Variants in SLC6A15 observed in about 807,000 individuals in gnomAD.
The protein encoded by SLC6A15 is solute carrier family 6 member 15.
In SLC6A15, 33 loss-of-function variants were observed where a neutral mutation model predicts 68.5. That is an observed-to-expected ratio of 0.48 (90% confidence interval 0.37 to 0.64). SLC6A15 has a LOEUF of 0.64. SLC6A15 is among the 30% of genes least tolerant of loss of function. The pLI is 0.00. For synonymous variants in SLC6A15, 347 were observed against 301.0 expected (o/e 1.15, Z -1.58); for missense variants, 747 against 874.3 (o/e 0.85, Z 1.84).
intron 6 of SLC6A15, among the ~76,000 whole-genome samples, chr12:84,875,362 C>T (rs537723478): frequency 5.9e-5 from 9 of 151,870 alleles, no homozygotes; most frequent in Admixed American, 2.0e-4. Context: ...CTGAGAAAAC[C>T]AGACACCAGT....
chr12:84,873,420 T>C, intron 6 of SLC6A15, 92 bp from the exon 7 acceptor site: 5 of 1,364,814 alleles, frequency 3.7e-6, no homozygotes, highest in Non-Finnish European at 5.0e-6. Flanking sequence ...GAGTATACAA[T>C]GATATTTATG....
chr12:84,901,041 C>T (rs7308326), intron 1 of SLC6A15, among the ~76,000 whole-genome samples: 21,809 of 125,088 alleles, frequency 0.17, 1,647 homozygotes, highest in Middle Eastern at 0.33. Context: ...TATGCATACA[C>T]ATATACGTAT....
chr12:84,900,933 TG>T (rs1158062202), intron 1 of SLC6A15, among the ~76,000 whole-genome samples: 7 of 146,298 alleles, frequency 4.8e-5, no homozygotes, highest in Non-Finnish European at 1.1e-4. Flanking sequence ...CATATATACA[TG>T]TATATATGTG....
At chr12:84,872,217 T>A (rs180839474) in intron 8 of SLC6A15, among the ~76,000 whole-genome samples, 1 of 152,214 alleles carries the variant, frequency 6.6e-6, no homozygotes, top group East Asian at 1.9e-4. Context: ...ATTTCTATTT[T>A]AAATATTATT....
chr12:84,897,577 A>C (rs1872682382), intron 1 of SLC6A15, among the ~76,000 whole-genome samples: 1 of 152,158 alleles, frequency 6.6e-6, no homozygotes. Context: ...TAGAAAGATC[A>C]AATTAAAACA....
chr12:84,866,810 T>C (rs553746913), intron 10 of SLC6A15, among the ~76,000 whole-genome samples: 3 of 152,310 alleles, frequency 2.0e-5, no homozygotes, highest in South Asian at 2.1e-4. Flanking sequence ...AAATCAAAGA[T>C]CTAAAATTCT....
rs551077692 is a variant in SLC6A15 at position 84,883,236 on chromosome 12, C to T, written c.756+623G>A. 58 of 983,464 alleles carry T rather than the reference C, an allele frequency of 5.9e-5. No individual in the cohort carries two copies. In the South Asian group the frequency reaches 2.1e-3, roughly 35 times the overall value. 60.9% of individuals were successfully genotyped at this position (983,464 alleles called of 1,614,324 possible). On this transcript the variant is annotated intron_variant, in intron 5 of 11. Transcript: ENST00000266682. ...AGCGTCCTTTAAAAATAATAACAAA[C>T]AAGCTACCTAGAATTCACTTAATGT...
chr12:84,905,317 A>C (rs1051800957), intron 1 of SLC6A15, among the ~76,000 whole-genome samples: 5 of 152,248 alleles, frequency 3.3e-5, no homozygotes, highest in African/African-American at 1.2e-4. Flanking sequence ...AAATCACATG[A>C]CTATATCTAC....
intron 6 of SLC6A15, among the ~76,000 whole-genome samples, chr12:84,876,165 A>T (rs2924139): frequency 6.6e-6 from 1 of 151,468 alleles, no homozygotes; most frequent in South Asian, 2.1e-4. Context: ...AAAACCACTA[A>T]AATAAAGGGG....
rs1872086565 is a variant in SLC6A15 at position 84,886,052 on chromosome 12, T to C, written c.306A>G (p.Pro102=). The part of the protein sequence containing the change: ...QKNGGGAYLL[P]YLILLMVIGI... ...CTATTACCATAAGTAGTATTAAATA[T>C]GGTAAAAGATATGCACCTAAAGAAA... Residue 102 remains proline (P), a synonymous_variant, in exon 3 of 12, where the codon CCA becomes CCG. Coordinates refer to ENST00000266682, the MANE Select transcript of SLC6A15 (RefSeq NM_182767.6). The C allele has an allele frequency of 1.9e-6, 3 of 1,597,054 alleles. No homozygotes were observed. The highest frequency in any genetic ancestry group is 1.1e-5 in the South Asian group (1 of 89,588).
At chr12:84,894,677 G>T (rs1821115245) in intron 1 of SLC6A15, among the ~76,000 whole-genome samples, 1 of 151,898 alleles carries the variant, frequency 6.6e-6, no homozygotes, top group African/African-American at 2.4e-5. Flanking sequence ...AAAATAAAAG[G>T]TAATACCTTT....
intron 5 of SLC6A15, among the ~76,000 whole-genome samples, chr12:84,877,774 G>A (rs1871622239): frequency 6.6e-6 from 1 of 151,952 alleles, no homozygotes; most frequent in African/African-American, 2.4e-5. Flanking sequence ...TATTACCCTA[G>A]GTTTGTTGTT....
At chr12:84,889,375 A>T (rs1872275202) in intron 2 of SLC6A15, among the ~76,000 whole-genome samples, 1 of 152,036 alleles carries the variant, frequency 6.6e-6, no homozygotes, top group African/African-American at 2.4e-5. Context: ...CTGCAGTCCC[A>T]GCTACTCCGG....
chr12:84,872,759 C>T lies in SLC6A15; in HGVS notation c.1145G>A (p.Gly382Glu). 8 of 1,602,322 alleles carry T rather than the reference C, an allele frequency of 5.0e-6. No individual in the cohort carries two copies. Among genetic ancestry groups the T allele is most frequent in the Non-Finnish European group, 6.8e-6 (8 of 1,177,146 alleles). ...GGGAATAATATCCTGACTAATGTTC[C>T]CCATTTTCAAAAATTTCATGATCGT... ...SETIMKFLKM[G>E]NISQDIIPHH... is the part of the protein sequence containing the mutation. The change falls in exon 8 of 12, where the codon GGG becomes GAG. Residue 382 changes from glycine (G) to glutamate (E), a missense_variant. By Grantham distance (98) the Gly-to-Glu change is moderately conservative. Transcript: ENST00000266682.
At chr12:84,909,693 A>G (rs1286614088) in intron 1 of SLC6A15, among the ~76,000 whole-genome samples, 1 of 152,166 alleles carries the variant, frequency 6.6e-6, no homozygotes, top group African/African-American at 2.4e-5. Context: ...ATATGTATGT[A>G]GTAATAAAGA....
At chr12:84,885,094 C>A (rs1385449998) in intron 4 of SLC6A15, among the ~76,000 whole-genome samples, 1 of 151,872 alleles carries the variant, frequency 6.6e-6, no homozygotes, top group African/African-American at 2.4e-5. Flanking sequence ...CATTCAAATT[C>A]TTATTTCTGT....
At chr12:84,889,621 G>A (rs1322944929) in intron 2 of SLC6A15, among the ~76,000 whole-genome samples, 4 of 152,126 alleles carry the variant, frequency 2.6e-5, no homozygotes, top group Non-Finnish European at 4.4e-5. Context: ...AATGTGTTAC[G>A]CTTTAAATAC....
At chr12:84,874,591 G>T (rs1048540275) in intron 6 of SLC6A15, 1 of 151,950 alleles carries the variant, frequency 6.6e-6, no homozygotes, top group Admixed American at 6.6e-5. Context: ...AACTAATTTT[G>T]GTTATTAAAA....
chr12:84,886,061 A>G lies in SLC6A15; in HGVS notation c.297T>C (p.Tyr99=), dbSNP rs770831660. The G allele has an allele frequency of 1.9e-6, 3 of 1,586,060 alleles. No individual in the cohort carries two copies. Among genetic ancestry groups the G allele is most frequent in the Non-Finnish European group, 2.6e-6 (3 of 1,159,692 alleles). Residue 99 remains tyrosine (Y), a synonymous_variant, in exon 3 of 12, where the codon TAT becomes TAC. Transcript: ENST00000266682. ...TAAGTAGTATTAAATATGGTAAAAG[A>G]TATGCACCTAAAGAAACAACAACAA... The part of the protein sequence containing the change: ...YLCQKNGGGA[Y]LLPYLILLMV...
Sources: allele counts gnomAD v4.1 joint callset (sites outside exome capture counted in the v4.1 genomes callset), GRCh38; gene constraint gnomAD v4.1.1; transcripts MANE v1.5; gene names NCBI Gene and HGNC (gene_info 2026-07-23, HGNC 2026-07-21).